The following NELL1 variants were observed in gnomAD, a reference collection of about 807,000 sequenced individuals.
NELL1 encodes protein kinase C-binding protein NELL1.
In NELL1, 76 loss-of-function variants were observed where a neutral mutation model predicts 107.4. The ratio of observed to expected loss-of-function variants is 0.71; its 90% confidence interval spans 0.59 to 0.86. NELL1 has a LOEUF of 0.86. Among genes scored for constraint, NELL1 ranks in the 40% least tolerant of loss-of-function variants. The pLI, the probability that NELL1 is intolerant of heterozygous loss-of-function variation, is 0.00. For missense variants in NELL1, 1,024 were observed against 1,005.5 expected (o/e 1.02, Z -0.25); for synonymous variants, 353 against 341.2 (o/e 1.03, Z -0.38).
chr11:20,790,057 G>T (rs79725970), intron 3 of NELL1, among the ~76,000 whole-genome samples: 9,715 of 152,270 alleles, frequency 0.064, 392 homozygotes, highest in Middle Eastern at 0.13. Context: ...TGGCCCATGG[G>T]CAGCCATGGA....
At position 20,955,956 on chromosome 11, in the gene NELL1, C is replaced by T. The variant is rs564961580; in HGVS notation, c.1172-4476C>T. On this transcript the variant is annotated intron_variant, in intron 11 of 19. Coordinates refer to ENST00000357134, the MANE Select transcript of NELL1 (RefSeq NM_006157.5). ...TCAGTATGGGCCAGGCACGATGGCT[C>T]ATGCTTATAATCCCAGCACTTTGGG... Among the ~76,000 whole-genome samples the T allele has an allele frequency of 6.6e-5, 10 of 152,232 alleles. No homozygotes were observed. The South Asian group carries it at 1.0e-3, about 16-fold the overall frequency.
intron 13 of NELL1, among the ~76,000 whole-genome samples, chr11:21,183,292 G>T (rs1211164669): frequency 2.0e-5 from 3 of 151,942 alleles, no homozygotes; most frequent in Non-Finnish European, 4.4e-5. Flanking sequence ...GGCCAGCTTA[G>T]TGCAAGGCAC....
At chr11:21,356,581 T>C (rs1850938868) in intron 14 of NELL1, among the ~76,000 whole-genome samples, 1 of 152,200 alleles carries the variant, frequency 6.6e-6, no homozygotes, top group Non-Finnish European at 1.5e-5. Flanking sequence ...TCAAAGATCC[T>C]GGAGAACAGG....
rs1457830043 is a variant in NELL1, at chr11:20,808,613, A to C, written c.335+24783A>C. Among the ~76,000 whole-genome samples, 3 of 152,198 alleles carry C rather than the reference A, an allele frequency of 2.0e-5. No homozygotes were observed. In the East Asian group the frequency reaches 5.8e-4, roughly 29 times the overall value. On this transcript the variant is annotated intron_variant, in intron 3 of 19. Coordinates refer to ENST00000357134, the MANE Select transcript of NELL1 (RefSeq NM_006157.5). ...CTACGAGTTGCAGTCCTTGTGGCTT[A>C]GACTGCCTTTCAGGTTTATTTAGGA...
At chr11:21,524,227 T>C (rs1488522618) in intron 15 of NELL1, among the ~76,000 whole-genome samples, 1 of 152,168 alleles carries the variant, frequency 6.6e-6, no homozygotes, top group African/African-American at 2.4e-5. Flanking sequence ...TTTAAACATG[T>C]ACACCTCCAT....
chr11:21,217,598 T>C (rs1857647336), intron 13 of NELL1, among the ~76,000 whole-genome samples: 1 of 152,208 alleles, frequency 6.6e-6, no homozygotes, highest in South Asian at 2.1e-4. Flanking sequence ...AAGTACAACC[T>C]ATTATTGATA....
At chr11:21,483,632 CTTAAT>C (rs906491729) in intron 15 of NELL1, among the ~76,000 whole-genome samples, 1 of 151,526 alleles carries the variant, frequency 6.6e-6, no homozygotes, top group Non-Finnish European at 1.5e-5. Context: ...AGTGTAAAAG[CTTAAT>C]TTAAAGAGGA....
rs1850522422 is a variant in NELL1, at chr11:20,927,387, A to G, written c.839A>G (p.Tyr280Cys). The G allele has an allele frequency of 1.9e-6, 3 of 1,613,408 alleles. No individual in the cohort carries two copies. Among genetic ancestry groups the G allele is most frequent in the Admixed American group, 1.7e-5 (1 of 59,844 alleles). Residue 280 changes from tyrosine to cysteine, a missense_variant, in exon 8 of 20, where the codon TAT (tyrosine) becomes TGT (cysteine). By Grantham distance (194) the Tyr-to-Cys change is radical. Coordinates refer to ENST00000357134, the MANE Select transcript of NELL1 (RefSeq NM_006157.5). ...EKTCQVSGLL[Y>C]RDQDSWVDGD... ...ACTTGTCAAGTGAGTGGACTGCTCT[A>G]TCGAGATCAAGACTCTTGGGTAGAT...
chr11:21,051,300 T>C (rs1211918890), intron 12 of NELL1, among the ~76,000 whole-genome samples: 1 of 152,076 alleles, frequency 6.6e-6, no homozygotes, highest in Non-Finnish European at 1.5e-5. Flanking sequence ...AACCAAACAC[T>C]ATATGTTCTC....
intron 12 of NELL1, among the ~76,000 whole-genome samples, chr11:21,003,640 A>G (rs890207244): frequency 1.8e-4 from 27 of 152,232 alleles, no homozygotes; most frequent in African/African-American, 6.3e-4. Flanking sequence ...ACAGAGACCT[A>G]TGGACCTGTG....
At chr11:20,860,426 C>T (rs1251258069) in intron 4 of NELL1, among the ~76,000 whole-genome samples, 3 of 152,032 alleles carry the variant, frequency 2.0e-5, no homozygotes, top group African/African-American at 7.2e-5. Context: ...GGATTCCTAG[C>T]TTGTGGCCAC....
chr11:20,865,945 T>C (rs919606894), intron 4 of NELL1, among the ~76,000 whole-genome samples: 19 of 152,288 alleles, frequency 1.2e-4, no homozygotes, highest in African/African-American at 4.1e-4. Flanking sequence ...GCTTCACCAC[T>C]TCCTAGCTGT....
chr11:21,471,639 T>C (rs1433032919), intron 15 of NELL1, among the ~76,000 whole-genome samples: 1 of 152,064 alleles, frequency 6.6e-6, no homozygotes, highest in Admixed American at 6.6e-5. Context: ...AATTCAGTGA[T>C]GAAGTAGTGC....
chr11:21,176,848 A>T (rs1164048296), intron 13 of NELL1, among the ~76,000 whole-genome samples: 1 of 151,684 alleles, frequency 6.6e-6, no homozygotes, highest in East Asian at 1.9e-4. Context: ...AGTCTGTGGT[A>T]TTTTGTATTT....
Position 21,553,494 on chromosome 11 carries a change from A to T in NELL1, c.1787-6695A>T, listed in dbSNP as rs544825406. ...CTGCTCTTATTCTGTCACCACTCATATTCTAAAACTTGAATTACAAGCTCA... is the reference window on the plus strand; with the variant it reads ...CTGCTCTTATTCTGTCACCACTCATTTTCTAAAACTTGAATTACAAGCTCA... On this transcript the variant is annotated intron_variant, in intron 16 of 19. Transcript: ENST00000357134. Among the ~76,000 whole-genome samples the T allele has an allele frequency of 4.2e-4, 64 of 151,950 alleles. 3 individuals are homozygous for T. The South Asian group carries it at 0.013, about 31-fold the overall frequency.
chr11:21,514,904 G>A (rs1408087057), intron 15 of NELL1, among the ~76,000 whole-genome samples: 1 of 152,188 alleles, frequency 6.6e-6, no homozygotes, highest in Non-Finnish European at 1.5e-5. Context: ...TTATTGAGAA[G>A]CCAGGAGTTG....
At chr11:20,972,056 G>A (rs10833418) in intron 12 of NELL1, among the ~76,000 whole-genome samples, 1 of 150,458 alleles carries the variant, frequency 6.6e-6, no homozygotes, top group African/African-American at 2.5e-5. Context: ...GGGAGGGAGA[G>A]CATTAGGACA....
intron 12 of NELL1, among the ~76,000 whole-genome samples, chr11:21,056,158 A>G (rs1853610322): frequency 6.6e-6 from 1 of 152,208 alleles, no homozygotes; most frequent in Admixed American, 6.6e-5. Flanking sequence ...CAGTAGGGAT[A>G]GAGTCAGACT....
chr11:20,846,293 G>T (rs1345133224), intron 3 of NELL1, among the ~76,000 whole-genome samples: 1 of 152,100 alleles, frequency 6.6e-6, no homozygotes, highest in Non-Finnish European at 1.5e-5. Context: ...ATATGTATTT[G>T]TTCTTTGGCA....
Sources: allele counts gnomAD v4.1 joint callset (sites outside exome capture counted in the v4.1 genomes callset), GRCh38; gene constraint gnomAD v4.1.1; transcripts MANE v1.5; gene names NCBI Gene and HGNC (gene_info 2026-07-23, HGNC 2026-07-21).